The following BIRC2 variants were observed in gnomAD, a reference collection of about 807,000 sequenced individuals.
BIRC2 encodes baculoviral IAP repeat containing 2, also known as baculoviral IAP repeat-containing protein 2.
In BIRC2, 18 loss-of-function variants were observed where a neutral mutation model predicts 60.9. The observed-to-expected ratio is 0.30, with a 90% CI of 0.20 to 0.44. The LOEUF (loss-of-function observed/expected upper bound fraction) is 0.44, where lower values mean the gene tolerates loss of function less well. Ranked by LOEUF, BIRC2 falls within the 20% of genes least tolerant of loss-of-function variation. The pLI is 1.00. For synonymous variants in BIRC2, 282 were observed against 247.7 expected, an observed-to-expected ratio of 1.14 and a Z score of -1.30; for missense variants, 701 against 728.5, an observed-to-expected ratio of 0.96 and a Z score of 0.43.
chr11:102,353,773 A>G (rs1951389668), intron 3 of BIRC2, among the ~76,000 whole-genome samples: 1 of 143,216 alleles, frequency 7.0e-6, no homozygotes, highest in African/African-American at 2.7e-5. Flanking sequence ...AGCTATAGTC[A>G]CCATGTGCTG....
At chr11:102,367,134 C>T (rs188605439) in intron 5 of BIRC2, among the ~76,000 whole-genome samples, 5 of 152,344 alleles carry the variant, frequency 3.3e-5, no homozygotes, top group Admixed American at 3.3e-4. Context: ...CCAAATTCCC[C>T]TCTGATGCTT....
intron 2 of BIRC2, 28 bp from the exon 3 acceptor site, chr11:102,350,816 T>A (rs535352576): frequency 6.2e-7 from 1 of 1,611,530 alleles, no homozygotes; most frequent in Non-Finnish European, 8.5e-7. Context: ...ATACGTGTTT[T>A]CAATATTTAG....
chr11:102,352,955 A>G (rs111946348), intron 3 of BIRC2, among the ~76,000 whole-genome samples: 192 of 152,336 alleles, frequency 1.3e-3, no homozygotes, highest in African/African-American at 4.4e-3. Flanking sequence ...GTACATTGTT[A>G]AAAGTTGTAT....
chr11:102,353,914 C>G (rs1378688765), intron 3 of BIRC2, among the ~76,000 whole-genome samples: 1 of 151,986 alleles, frequency 6.6e-6, no homozygotes, highest in African/African-American at 2.4e-5. Context: ...ATAGTTGTCC[C>G]TTGGTATGCT....
chr11:102,354,312 C>T (rs1449007644), intron 3 of BIRC2, among the ~76,000 whole-genome samples: 1 of 152,164 alleles, frequency 6.6e-6, no homozygotes. Context: ...TGGCTTCAAG[C>T]GATTCTCCTG....
intron 6 of BIRC2, among the ~76,000 whole-genome samples, chr11:102,375,411 A>G (rs1364208873): frequency 6.6e-6 from 1 of 152,230 alleles, no homozygotes; most frequent in East Asian, 1.9e-4. Context: ...GAATAACTTA[A>G]GAGTACCTTA....
chr11:102,375,935 CTT>C (rs1475395678), intron 6 of BIRC2, among the ~76,000 whole-genome samples: 2 of 151,558 alleles, frequency 1.3e-5, no homozygotes, highest in East Asian at 1.9e-4. Context: ...AAATAAAACA[CTT>C]TAACACAGCT....
At position 102,354,018 on chromosome 11, in the gene BIRC2, A is replaced by G. The variant is rs1951392256; in HGVS notation, c.995+3075A>G. Among the ~76,000 whole-genome samples the G allele has an allele frequency of 6.6e-5, 10 of 152,260 alleles. 1 individual carries two copies. In the South Asian group the frequency reaches 2.1e-3, roughly 32 times the overall value. ...TGCAGAACCTGTGCATCCAAAATTCAGCCCTCCAAATATGTGGGTTTCACA... is the reference window on the plus strand; with the variant it reads ...TGCAGAACCTGTGCATCCAAAATTCGGCCCTCCAAATATGTGGGTTTCACA... On this transcript the variant is annotated intron_variant, in intron 3 of 8. Coordinates refer to ENST00000227758, the MANE Select transcript of BIRC2 (RefSeq NM_001166.5).
chr11:102,365,425 T>G (rs1274842580), intron 5 of BIRC2, among the ~76,000 whole-genome samples: 1 of 152,250 alleles, frequency 6.6e-6, no homozygotes, highest in Non-Finnish European at 1.5e-5. Flanking sequence ...AAGATTTATC[T>G]GTGCTTAACT....
intron 3 of BIRC2, among the ~76,000 whole-genome samples, chr11:102,352,020 C>G (rs1951368368): frequency 6.6e-6 from 1 of 152,182 alleles, no homozygotes; most frequent in South Asian, 2.1e-4. Context: ...TGCATCTTCC[C>G]AAACTGAAAC....
rs200444386 is a variant in BIRC2, at chr11:102,368,569, C to A, written c.1366+21C>A. 1.3e-4 allele frequency: 204 copies of A among 1,608,804 alleles called. No homozygotes were observed. The Middle Eastern group carries it at 1.3e-3, about 10-fold the overall frequency. On this transcript the variant is annotated intron_variant, in intron 6 of 8. Coordinates refer to ENST00000227758, the MANE Select transcript of BIRC2 (RefSeq NM_001166.5). ...ATCAGGTATTTGGGGATGTTAGTCA[C>A]CTGCATTGTTTCTCAGTGGAGCTCT...
intron 5 of BIRC2, 100 bp from the exon 6 acceptor site, chr11:102,368,206 G>A: frequency 7.4e-7 from 1 of 1,360,360 alleles, no homozygotes; most frequent in Non-Finnish European, 1.0e-6. Flanking sequence ...TCCTTTACCA[G>A]AATATGAGAG....
intron 6 of BIRC2, among the ~76,000 whole-genome samples, chr11:102,369,202 T>C (rs1951592171): frequency 6.6e-6 from 1 of 151,608 alleles, no homozygotes; most frequent in Non-Finnish European, 1.5e-5. Flanking sequence ...TTAGGGTACA[T>C]GTGCACATTG....
chr11:102,372,893 G>C (rs1401734226), intron 6 of BIRC2, among the ~76,000 whole-genome samples: 1 of 143,004 alleles, frequency 7.0e-6, no homozygotes, highest in African/African-American at 2.6e-5. Flanking sequence ...AGCTCTTCTT[G>C]TTGAATTGAT....
chr11:102,349,487 A>G lies in BIRC2; in HGVS notation c.-368A>G, dbSNP rs1368735725. ...TATAAATAAAAGGCATAATTTAGGT[A>G]TTCTATAGTTGCTTAGAATTTTGTT... On this transcript the variant is annotated 5_prime_UTR_variant, in exon 2 of 9. Coordinates refer to ENST00000227758, the MANE Select transcript of BIRC2 (RefSeq NM_001166.5). 6.1e-6 allele frequency: 1 copy of G among 162,800 alleles called. No individual in the cohort carries two copies. Among genetic ancestry groups the G allele is most frequent in the African/African-American group, 2.4e-5 (1 of 41,714 alleles). 10.1% of individuals were successfully genotyped at this position (162,800 alleles called of 1,614,324 possible).
At position 102,350,164 on chromosome 11, in the gene BIRC2, A is replaced by G. The variant is rs759871753; in HGVS notation, c.310A>G (p.Lys104Glu). The change falls in exon 2 of 9, where the codon AAA becomes GAA. Residue 104 changes from lysine to glutamate, a missense_variant. Physicochemically the swap from Lys to Glu is moderately conservative, Grantham distance 56. This residue lies in a region of BIRC2 where 375 missense variants were observed against 365.9 expected (regional missense o/e 1.02). Transcript: ENST00000227758. ...AGGAGACAGTCCTATTCAAAAGCAT[A>G]AACAGCTATATCCTAGCTGTAGCTT... ...KLGDSPIQKH[K>E]QLYPSCSFIQ... 1.9e-5 allele frequency: 30 copies of G among 1,614,142 alleles called. No individual in the cohort carries two copies. The Middle Eastern group carries it at 4.9e-4, about 27-fold the overall frequency.
chr11:102,350,909 G>T lies in BIRC2; in HGVS notation c.961G>T (p.Asp321Tyr), dbSNP rs1383884262. 6.2e-7 allele frequency: 1 copy of T among 1,614,126 alleles called. No individual in the cohort carries two copies. Among genetic ancestry groups the T allele is most frequent in the Non-Finnish European group, 8.5e-7 (1 of 1,179,996 alleles). ...GGLRCWESGD[D>Y]PWVEHAKWFP... ...CTTGAGGTGTTGGGAATCTGGAGAT[G>T]ATCCATGGGTAGAACATGCCAAGTG... The change falls in exon 3 of 9, where the codon GAT (aspartate) becomes TAT (tyrosine). Residue 321 changes from aspartate (D) to tyrosine (Y), a missense_variant. By Grantham distance (160) the Asp-to-Tyr change is radical (BLOSUM62 -3). This residue lies in a region of BIRC2 where 39 missense variants were observed against 69.8 expected (regional missense o/e 0.56). Transcript: ENST00000227758.
chr11:102,364,139 TTATATATA>T lies in BIRC2; in HGVS notation c.1123+452_1123+459del, dbSNP rs371707721. 2.1e-3 allele frequency among the ~76,000 whole-genome samples: 128 copies of T among 61,408 alleles called. 5 individuals are homozygous for T. The highest frequency in any genetic ancestry group is 9.7e-3 in the East Asian group (10 of 1,036). 40.3% of individuals were successfully genotyped at this position (61,408 alleles called of 152,430 possible). A position where few individuals can be genotyped will look rare whatever the true frequency, so the allele number is the denominator to read the frequency against. On this transcript the variant is annotated intron_variant, in intron 5 of 8. Coordinates refer to ENST00000227758, the MANE Select transcript of BIRC2 (RefSeq NM_001166.5). ...ATACTGGGAAGTCAGCTAATAAATA[TTATATATA>T]TATATATATATATATATATATATAT... is the stretch of plus-strand genomic sequence containing the variant.
Position 102,350,288 on chromosome 11 carries a change from A to G in BIRC2, c.434A>G (p.His145Arg), listed in dbSNP as rs764532717. 1.9e-6 allele frequency: 3 copies of G among 1,614,262 alleles called. No individual in the cohort carries two copies. The highest frequency in any genetic ancestry group is 1.1e-5 in the South Asian group (1 of 91,088). ...CATTCATTATCTCCCACCTTGGAAC[A>G]TAGTAGCTTGTTCAGTGGTTCTTAC... ...FAHSLSPTLE[H>R]SSLFSGSYSS... The change falls in exon 2 of 9, where the codon CAT (histidine) becomes CGT (arginine). Residue 145 changes from histidine (H) to arginine (R), a missense_variant. His to Arg is a conservative substitution (Grantham distance 29). Transcript: ENST00000227758.
Sources: allele counts gnomAD v4.1 joint callset (sites outside exome capture counted in the v4.1 genomes callset), GRCh38; gene constraint gnomAD v4.1.1; regional missense constraint gnomAD v4.1.1; transcripts MANE v1.5; gene names NCBI Gene and HGNC (gene_info 2026-07-23, HGNC 2026-07-21).